CSMD1: variants seen among roughly 807,000 people sequenced by gnomAD.
The protein encoded by CSMD1 is CUB and sushi domain-containing protein 1.
A neutral mutation model predicts 417.5 loss-of-function variants in CSMD1; 213 were observed. The ratio of observed to expected loss-of-function variants is 0.51; its 90% CI spans 0.46 to 0.57. The LOEUF is 0.57. CSMD1 is among the 20% of genes least tolerant of loss of function. The probability of loss-of-function intolerance (pLI) is 0.00; values close to 1 mark genes in which losing one functional copy is unlikely to be tolerated. For missense variants in CSMD1, 6,923 were observed against 4,529.7 expected (o/e 1.53, Z -15.17); for synonymous variants, 2,862 against 1,736.8 (o/e 1.65, Z -16.11).
intron 5 of CSMD1, among the ~76,000 whole-genome samples, chr8:3,921,705 C>G (rs1809279441): frequency 6.6e-6 from 1 of 152,072 alleles, no homozygotes; most frequent in Non-Finnish European, 1.5e-5. Flanking sequence ...AATTTTCCTC[C>G]TCTCCCTGAT....
intron 46 of CSMD1, among the ~76,000 whole-genome samples, chr8:3,097,306 T>C (rs1163628699): frequency 6.6e-6 from 1 of 152,184 alleles, no homozygotes; most frequent in East Asian, 1.9e-4. Context: ...TTGGGGCAGA[T>C]GCATCCTGGA....
chr8:3,566,781 G>C (rs1799731209), intron 10 of CSMD1, among the ~76,000 whole-genome samples: 1 of 152,196 alleles, frequency 6.6e-6, no homozygotes, highest in Non-Finnish European at 1.5e-5. Context: ...GAATTTAACA[G>C]ATGCTGGTGA....
intron 44 of CSMD1, 73 bp downstream of exon 44, chr8:3,108,530 G>C (rs780238110): frequency 4.1e-6 from 6 of 1,469,112 alleles, no homozygotes; most frequent in Non-Finnish European, 5.6e-6. Flanking sequence ...CTGGAAACAA[G>C]GCGTGGGACA....
chr8:3,010,573 C>G (rs531510936), intron 52 of CSMD1, among the ~76,000 whole-genome samples: 2 of 152,226 alleles, frequency 1.3e-5, no homozygotes, highest in South Asian at 4.1e-4. Context: ...AGGGTTGCAG[C>G]TCTTGATTTC....
intron 3 of CSMD1, among the ~76,000 whole-genome samples, chr8:4,183,190 G>C (rs1379342971): frequency 3.9e-5 from 6 of 151,984 alleles, no homozygotes; most frequent in Non-Finnish European, 5.9e-5. Context: ...GATGAATTTA[G>C]GGGAAAAAAT....
chr8:3,191,873 C>T (rs182252346), intron 33 of CSMD1, among the ~76,000 whole-genome samples: 2 of 152,288 alleles, frequency 1.3e-5, no homozygotes, highest in Admixed American at 1.3e-4. Context: ...ATTCTATCCT[C>T]CTCAGTCCTT....
chr8:4,929,121 G>T (rs1303962444), intron 1 of CSMD1, among the ~76,000 whole-genome samples: 4 of 152,058 alleles, frequency 2.6e-5, no homozygotes, highest in Non-Finnish European at 4.4e-5. Context: ...CAGTCCCACT[G>T]GTGTCTTTAT....
At chr8:3,376,553 C>G (rs35351172) in intron 18 of CSMD1, among the ~76,000 whole-genome samples, 16,466 of 151,990 alleles carry the variant, frequency 0.11, 978 homozygotes, top group Middle Eastern at 0.15. Flanking sequence ...GAACTACTTG[C>G]ATGATTCCAA....
intron 5 of CSMD1, among the ~76,000 whole-genome samples, chr8:3,813,110 T>TA (rs756915396): frequency 1.4e-5 from 2 of 141,854 alleles, no homozygotes; most frequent in African/African-American, 2.6e-5. Context: ...TTTTTTTTTT[T>TA]AACTAGATGA....
chr8:4,507,560 T>G (rs778607681), intron 2 of CSMD1, among the ~76,000 whole-genome samples: 1 of 152,202 alleles, frequency 6.6e-6, no homozygotes, highest in Non-Finnish European at 1.5e-5. Flanking sequence ...TTCTTATGCA[T>G]GGACATGCAT....
intron 30 of CSMD1, among the ~76,000 whole-genome samples, chr8:3,211,838 G>C (rs1343497036): frequency 6.6e-6 from 1 of 152,216 alleles, no homozygotes; most frequent in Non-Finnish European, 1.5e-5. Flanking sequence ...CAAGAGCACA[G>C]GGCAAGCACC....
chr8:4,740,679 C>A (rs996011130), intron 1 of CSMD1, among the ~76,000 whole-genome samples: 7 of 152,158 alleles, frequency 4.6e-5, no homozygotes, highest in Non-Finnish European at 8.8e-5. Flanking sequence ...GGATGAGAAT[C>A]TACTCAAGGA....
intron 5 of CSMD1, among the ~76,000 whole-genome samples, chr8:3,813,141 A>T (rs139906689): frequency 1.1e-3 from 165 of 147,112 alleles, no homozygotes; most frequent in African/African-American, 3.3e-3. Flanking sequence ...ATATGTTCCC[A>T]CTGGCATTGT....
chr8:4,898,186 A>G (rs1446580389), intron 1 of CSMD1, among the ~76,000 whole-genome samples: 1 of 152,166 alleles, frequency 6.6e-6, no homozygotes, highest in African/African-American at 2.4e-5. Context: ...CCCAGCGTGC[A>G]TTGCTATATT....
At chr8:3,635,199 G>C (rs1010387539) in intron 7 of CSMD1, among the ~76,000 whole-genome samples, 4 of 152,236 alleles carry the variant, frequency 2.6e-5, no homozygotes, top group Admixed American at 2.0e-4. Context: ...ACTGTAGCCA[G>C]GTGCAGTGGC....
chr8:3,241,077 A>G (rs1279407899), intron 26 of CSMD1, among the ~76,000 whole-genome samples: 13 of 150,718 alleles, frequency 8.6e-5, no homozygotes, highest in Non-Finnish European at 1.9e-4. Flanking sequence ...GAGGGGATAC[A>G]AGAGGAGGAC....
intron 21 of CSMD1, among the ~76,000 whole-genome samples, chr8:3,358,160 A>C (rs950778873): frequency 6.6e-6 from 1 of 152,208 alleles, no homozygotes; most frequent in African/African-American, 2.4e-5. Context: ...TTTTATCTTC[A>C]GACCTTCCCC....
intron 3 of CSMD1, among the ~76,000 whole-genome samples, chr8:4,382,911 A>G (rs1048717052): frequency 2.6e-5 from 4 of 152,200 alleles, no homozygotes; most frequent in South Asian, 2.1e-4. Flanking sequence ...TACCTAGTTA[A>G]TAAGTGGGAA....
rs754943683 is a variant in CSMD1 at position 3,396,394 on chromosome 8, AC to A, written c.2406-14del. The A allele has an allele frequency of 6.5e-7, 1 of 1,533,924 alleles. No individual in the cohort carries two copies. Among genetic ancestry groups the A allele is most frequent in the East Asian group, 2.3e-5 (1 of 43,270 alleles). On this transcript the variant is annotated splice_polypyrimidine_tract_variant and intron_variant, in intron 16 of 69. Coordinates refer to ENST00000635120, the MANE Select transcript of CSMD1 (RefSeq NM_033225.6). ...CTCTGTCTGAAATCTGCAAATATAT[AC>A]ATCCCATCAGAAAAGACATGCAGAA...
Sources: gnomAD v4.1 joint callset for allele counts (sites outside exome capture counted in the v4.1 genomes callset) on GRCh38, gnomAD v4.1.1 for gene constraint, MANE v1.5 for transcripts, NCBI Gene and HGNC (gene_info 2026-07-23, HGNC 2026-07-21) for gene names.